PTPRG: variants seen among roughly 807,000 people sequenced by gnomAD.
PTPRG encodes protein tyrosine phosphatase receptor type G, also known as receptor-type tyrosine-protein phosphatase gamma.
PTPRG carries 102 observed loss-of-function variants against 165.3 expected under a neutral mutation model. The ratio of observed to expected loss-of-function variants is 0.62; its 90% CI spans 0.53 to 0.73. PTPRG has a LOEUF of 0.73. Among genes scored for constraint, PTPRG ranks in the 30% least tolerant of loss-of-function variants. PTPRG has a pLI of 0.00. For missense variants in PTPRG, 1,866 were observed against 1,861.4 expected, an observed-to-expected ratio of 1.00 and a Z score of -0.05; for synonymous variants, 675 against 669.5, an observed-to-expected ratio of 1.01 and a Z score of -0.13.
intron 1 of PTPRG, among the ~76,000 whole-genome samples, chr3:61,661,943 C>G (rs1217593071): frequency 6.6e-6 from 1 of 152,174 alleles, no homozygotes; most frequent in Non-Finnish European, 1.5e-5. Flanking sequence ...AATGCCTCAT[C>G]AAGTATTTTT....
At chr3:62,146,744 T>C (rs1238195512) in intron 6 of PTPRG, among the ~76,000 whole-genome samples, 2 of 152,164 alleles carry the variant, frequency 1.3e-5, no homozygotes, top group African/African-American at 2.4e-5. Context: ...ATATTCTCTG[T>C]TGCAACTACT....
At chr3:62,253,921 T>C (rs11709670) in intron 15 of PTPRG, among the ~76,000 whole-genome samples, 12,604 of 152,264 alleles carry the variant, frequency 0.083, 734 homozygotes, top group South Asian at 0.11. Context: ...TATGAACACA[T>C]AAGTCACCTT....
intron 2 of PTPRG, among the ~76,000 whole-genome samples, chr3:61,982,167 G>A (rs563952568): frequency 3.3e-5 from 5 of 152,102 alleles, no homozygotes; most frequent in African/African-American, 1.2e-4. Context: ...CTAACTTTAA[G>A]GTTGAAAACT....
chr3:61,940,454 C>T (rs893282084), intron 2 of PTPRG, among the ~76,000 whole-genome samples: 1 of 152,160 alleles, frequency 6.6e-6, no homozygotes, highest in East Asian at 1.9e-4. Flanking sequence ...AGTGAGGATA[C>T]TCTGAAGGAA....
intron 4 of PTPRG, among the ~76,000 whole-genome samples, chr3:62,027,501 G>A (rs1394380038): frequency 6.6e-6 from 1 of 152,192 alleles, no homozygotes; most frequent in Admixed American, 6.5e-5. Context: ...AGTGTCTTCA[G>A]TGTTTGAGAT....
At chr3:62,165,667 C>G (rs962082268) in intron 7 of PTPRG, among the ~76,000 whole-genome samples, 5 of 152,074 alleles carry the variant, frequency 3.3e-5, no homozygotes, top group African/African-American at 1.2e-4. Flanking sequence ...GTTGTGAATC[C>G]GTCCTGGTTC....
chr3:61,672,782 GGAGA>G (rs1703075989), intron 1 of PTPRG, among the ~76,000 whole-genome samples: 3 of 136,348 alleles, frequency 2.2e-5, no homozygotes, highest in Non-Finnish European at 4.8e-5. Context: ...AGGGAGAGAG[GGAGA>G]GAGAGGGAGA....
Position 61,964,154 on chromosome 3 carries a change from T to C in PTPRG, c.191-25471T>C, listed in dbSNP as rs532116897. Among the ~76,000 whole-genome samples the C allele has an allele frequency of 1.2e-4, 18 of 152,368 alleles. No individual in the cohort carries two copies. The South Asian group carries it at 3.1e-3, about 26-fold the overall frequency. On this transcript the variant is annotated intron_variant, in intron 2 of 29. Transcript: ENST00000474889. ...AGAAGGTATAGAGCACAATGGTTAA[T>C]GTGTTATCTTTTCAGAAACATAGAA...
intron 1 of PTPRG, among the ~76,000 whole-genome samples, chr3:61,592,704 A>G (rs1053446505): frequency 7.0e-6 from 1 of 143,762 alleles, no homozygotes; most frequent in African/African-American, 2.7e-5. Context: ...GACTCTCTCA[A>G]TATTCACCCT....
intron 2 of PTPRG, among the ~76,000 whole-genome samples, chr3:61,876,304 G>A (rs1432283895): frequency 6.6e-6 from 1 of 152,170 alleles, no homozygotes; most frequent in Non-Finnish European, 1.5e-5. Context: ...AGAAATAACA[G>A]CTAAATGTAA....
At chr3:62,061,676 C>T (rs187110379) in intron 4 of PTPRG, among the ~76,000 whole-genome samples, 14 of 150,662 alleles carry the variant, frequency 9.3e-5, no homozygotes, top group Admixed American at 1.3e-4. Flanking sequence ...TCGCCCAGGC[C>T]GGAGTGTAGT....
At chr3:62,124,581 T>TG in intron 5 of PTPRG, 3 of 1,295,526 alleles carry the variant, frequency 2.3e-6, no homozygotes, top group Non-Finnish European at 3.3e-6. Context: ...TTTTTCCTAA[T>TG]GGACCTCACG....
Position 61,748,958 on chromosome 3 carries a change from G to A in PTPRG, c.166G>A (p.Gly56Ser). The A allele has an allele frequency of 1.9e-6, 3 of 1,611,772 alleles. No homozygotes were observed. The highest frequency in any genetic ancestry group is 2.5e-6 in the Non-Finnish European group (3 of 1,178,982). Residue 56 changes from glycine to serine, a missense_variant, in exon 2 of 30, where the codon GGC becomes AGC. This residue lies in a region of PTPRG where 408 missense variants were observed against 376.2 expected (regional missense o/e 1.08). Transcript: ENST00000474889. ...AVQIRRRKAS[G>S]DPYWAYSGAY... ...GCAGATCCGCAGGCGCAAGGCTTCAGGCGACCCGTACTGGGCCTACTCTGG... is the reference window on the plus strand; with the variant it reads ...GCAGATCCGCAGGCGCAAGGCTTCAAGCGACCCGTACTGGGCCTACTCTGG...
chr3:61,930,942 C>T (rs1003508426), intron 2 of PTPRG, among the ~76,000 whole-genome samples: 1 of 152,140 alleles, frequency 6.6e-6, no homozygotes, highest in Non-Finnish European at 1.5e-5. Flanking sequence ...GGTGGCGCAC[C>T]TGTAGTCCCA....
At chr3:61,942,967 A>G (rs1193358273) in intron 2 of PTPRG, among the ~76,000 whole-genome samples, 1 of 152,222 alleles carries the variant, frequency 6.6e-6, no homozygotes, top group East Asian at 1.9e-4. Context: ...TATGCAGGCC[A>G]GTGTATACAG....
intron 6 of PTPRG, among the ~76,000 whole-genome samples, chr3:62,147,280 A>G (rs993659070): frequency 1.3e-5 from 2 of 152,186 alleles, no homozygotes; most frequent in Non-Finnish European, 2.9e-5. Context: ...AGTGAAGGGT[A>G]AACTGAGGCT....
chr3:61,606,911 T>G (rs1034185931), intron 1 of PTPRG, among the ~76,000 whole-genome samples: 1 of 152,194 alleles, frequency 6.6e-6, no homozygotes, highest in African/African-American at 2.4e-5. Flanking sequence ...GCACCAGATA[T>G]CATGCCTTAC....
chr3:62,034,901 A>C (rs1217744636), intron 4 of PTPRG, among the ~76,000 whole-genome samples: 3 of 152,204 alleles, frequency 2.0e-5, no homozygotes, highest in African/African-American at 7.2e-5. Context: ...ATTACTTTTA[A>C]ATTAACTTAG....
intron 28 of PTPRG, among the ~76,000 whole-genome samples, chr3:62,288,446 G>A (rs368578385): frequency 9.9e-5 from 15 of 152,204 alleles, no homozygotes; most frequent in Middle Eastern, 3.4e-3. Context: ...AGGCCAAGGC[G>A]GGCAGATCAC....
Sources: allele counts gnomAD v4.1 joint callset (sites outside exome capture counted in the v4.1 genomes callset), GRCh38; gene constraint gnomAD v4.1.1; regional missense constraint gnomAD v4.1.1; transcripts MANE v1.5; gene names NCBI Gene and HGNC (gene_info 2026-07-23, HGNC 2026-07-21).